Variants in UQCRC2 observed in about 807,000 individuals in gnomAD.
UQCRC2 encodes cytochrome b-c1 complex subunit 2, mitochondrial.
Under a neutral mutation model 55.6 loss-of-function variants are expected in UQCRC2, and 49 were observed. That is an observed-to-expected ratio of 0.88 (90% CI 0.70 to 1.12). The LOEUF (loss-of-function observed/expected upper bound fraction) is 1.12, where lower values mean the gene tolerates loss of function less well. Among genes scored for constraint, UQCRC2 ranks in the 50% most tolerant of loss-of-function variants. UQCRC2 has a pLI of 0.00. For missense variants in UQCRC2, 506 were observed against 547.8 expected (o/e 0.92, Z 0.76); for synonymous variants, 193 against 192.0 (o/e 1.01, Z -0.04).
At chr16:21,963,393 AT>A in intron 6 of UQCRC2, among the ~76,000 whole-genome samples, 1 of 152,174 alleles carries the variant, frequency 6.6e-6, no homozygotes, top group South Asian at 2.1e-4. Context: ...ATCATTTTTC[AT>A]GTTTGATGGT....
intron 6 of UQCRC2, among the ~76,000 whole-genome samples, chr16:21,964,390 C>A (rs995343058): frequency 2.6e-5 from 4 of 152,122 alleles, no homozygotes. Context: ...ACGGCCATTA[C>A]AGTGATCCTT....
chr16:21,965,949 G>T (rs997439891), intron 7 of UQCRC2, among the ~76,000 whole-genome samples: 5 of 152,054 alleles, frequency 3.3e-5, no homozygotes, highest in Non-Finnish European at 5.9e-5. Context: ...CTCTCAAAGT[G>T]CTGGGATTAC....
intron 7 of UQCRC2, 35 bp from the exon 8 acceptor site, chr16:21,968,593 T>C: frequency 1.3e-6 from 2 of 1,527,928 alleles, no homozygotes; most frequent in Non-Finnish European, 1.8e-6. Flanking sequence ...ATATTTATGC[T>C]AATATAACCT....
Position 21,957,281 on chromosome 16 carries a change from C to T in UQCRC2, c.80C>T (p.Ala27Val), listed in dbSNP as rs373905701. Residue 27 changes from alanine to valine, a missense_variant, in exon 2 of 14, where the codon GCG becomes GTG. Transcript: ENST00000268379. Reference protein sequence around the residue: ...KVAPKVKATAAPAGAPPQPQD... With the variant: ...KVAPKVKATAVPAGAPPQPQD... The stretch of plus-strand genomic sequence containing the variant: ...GCCCCCAAAGTTAAAGCCACAGCTG[C>T]GCCTGCAGGAGCACCGCCACAACCT... The T allele has an allele frequency of 2.2e-5, 35 of 1,613,818 alleles. No individual in the cohort carries two copies. The Middle Eastern group carries it at 6.6e-4, about 30-fold the overall frequency.
chr16:21,966,454 C>T lies in UQCRC2; in HGVS notation c.612+949C>T, dbSNP rs149748929. On this transcript the variant is annotated intron_variant, in intron 7 of 13. Transcript: ENST00000268379. ...TATAATCTTAATTTCCTATTCCTAC[C>T]ACCCAGACCCAAAAACAAATTTTAT... 9.2e-5 allele frequency among the ~76,000 whole-genome samples: 14 copies of T among 152,004 alleles called. No homozygotes were observed. In the East Asian group the frequency reaches 2.5e-3, roughly 27 times the overall value.
At chr16:21,959,412 TCTC>T (rs1233288722) in intron 4 of UQCRC2, 3 of 255,394 alleles carry the variant, frequency 1.2e-5, no homozygotes, top group Non-Finnish European at 2.4e-5. Flanking sequence ...ATAAGAAGCA[TCTC>T]CTCATCTGTT....
intron 1 of UQCRC2, among the ~76,000 whole-genome samples, chr16:21,956,583 C>G (rs1260997558): frequency 6.6e-6 from 1 of 151,894 alleles, no homozygotes; most frequent in Non-Finnish European, 1.5e-5. Flanking sequence ...GACACTTTTT[C>G]AAAAAATGCC....
intron 7 of UQCRC2, among the ~76,000 whole-genome samples, chr16:21,967,593 G>A (rs886211980): frequency 6.6e-5 from 10 of 152,214 alleles, no homozygotes; most frequent in Admixed American, 2.6e-4. Flanking sequence ...TCTTCAGATC[G>A]CCTGAGTGGT....
Position 21,958,542 on chromosome 16 carries a change from A to G in UQCRC2, c.275A>G (p.Lys92Arg), listed in dbSNP as rs1201147337. The change falls in exon 4 of 14, where the codon AAA becomes AGA. Residue 92 changes from lysine (K) to arginine (R), a missense_variant. By Grantham distance (26) the Lys-to-Arg change is conservative. Transcript: ENST00000268379. The part of the protein sequence containing the change: ...LLRLTSSLTT[K>R]GASSFKITRG... ...CATTCTTTCTTTTTCAAGACGACAA[A>G]AGGAGCTTCATCTTTCAAGATAACC... 6.2e-7 allele frequency: 1 copy of G among 1,612,248 alleles called. No homozygotes were observed. Among genetic ancestry groups the G allele is most frequent in the East Asian group, 2.2e-5 (1 of 44,798 alleles).
intron 4 of UQCRC2, chr16:21,961,552 G>A (rs1431397751): frequency 6.8e-6 from 1 of 148,140 alleles, no homozygotes; most frequent in Non-Finnish European, 1.5e-5. Context: ...AATTGGTCTT[G>A]GAAGGGTACG....
In UQCRC2 at chr16:21,962,777, T is replaced by C. The variant is rs1436008692; in HGVS notation, c.406T>C (p.Phe136Leu). Residue 136 changes from phenylalanine (F) to leucine (L), a missense_variant, in exon 6 of 14, where the codon TTC becomes CTC. Transcript: ENST00000268379. ...LRGDVDILME[F>L]LLNVTTAPEF... ...CTTCTGTAGTGATATTCTAATGGAG[T>C]TCCTGCTCAATGTCACCACAGCACC... 6.2e-7 allele frequency: 1 copy of C among 1,613,978 alleles called. No homozygotes were observed. The highest frequency in any genetic ancestry group is 1.3e-5 in the African/African-American group (1 of 74,908).
intron 7 of UQCRC2, among the ~76,000 whole-genome samples, chr16:21,966,370 A>G (rs536857487): frequency 6.6e-6 from 1 of 152,202 alleles, no homozygotes; most frequent in Admixed American, 6.5e-5. Context: ...TGCATCTTAG[A>G]ACTTTGTTTC....
chr16:21,959,764 A>C (rs1898157853), intron 4 of UQCRC2: 1 of 152,250 alleles, frequency 6.6e-6, no homozygotes. Flanking sequence ...CTTGAAAATA[A>C]AAATTACTCC....
At chr16:21,971,853 A>G (rs1417363913) in intron 9 of UQCRC2, 70 bp from the exon 10 acceptor site, 1 of 1,598,630 alleles carries the variant, frequency 6.3e-7, no homozygotes, top group South Asian at 1.1e-5. Context: ...TGTTGTAGGA[A>G]ATACTGGAGA....
intron 6 of UQCRC2, among the ~76,000 whole-genome samples, chr16:21,964,504 A>G (rs1174796295): frequency 6.6e-6 from 1 of 152,134 alleles, no homozygotes; most frequent in East Asian, 1.9e-4. Flanking sequence ...CTCTTACTTT[A>G]TGCTCTACCC....
At chr16:21,975,560 T>A (rs2141944812) in intron 11 of UQCRC2, among the ~76,000 whole-genome samples, 1 of 152,332 alleles carries the variant, frequency 6.6e-6, no homozygotes, top group East Asian at 1.9e-4. Flanking sequence ...AACAAATATT[T>A]ACCAAGTACC....
intron 12 of UQCRC2, chr16:21,976,909 T>C (rs1468808593): frequency 6.6e-6 from 1 of 152,252 alleles, no homozygotes; most frequent in African/African-American, 2.4e-5. Context: ...CAAAATACAC[T>C]TGTGCATTTT....
intron 12 of UQCRC2, among the ~76,000 whole-genome samples, chr16:21,977,500 T>A (rs1416264669): frequency 6.6e-6 from 1 of 152,174 alleles, no homozygotes. Flanking sequence ...TGATTTTGTT[T>A]TGTTTTATAA....
At chr16:21,981,546 G>T (rs961375623) in intron 13 of UQCRC2, among the ~76,000 whole-genome samples, 1 of 152,024 alleles carries the variant, frequency 6.6e-6, no homozygotes, top group Non-Finnish European at 1.5e-5. Context: ...TTGAGCCCAG[G>T]AGTTCAATAC....
Sources: allele counts gnomAD v4.1 joint callset (sites outside exome capture counted in the v4.1 genomes callset), GRCh38; gene constraint gnomAD v4.1.1; transcripts MANE v1.5; gene names NCBI Gene and HGNC (gene_info 2026-07-23, HGNC 2026-07-21).